ESR1: variants seen among roughly 807,000 people sequenced by gnomAD.
The protein encoded by ESR1 is estrogen receptor 1, also known as estrogen receptor.
In ESR1, 12 loss-of-function variants were observed where a neutral mutation model predicts 52.7. The observed-to-expected ratio is 0.23, with a 90% CI of 0.15 to 0.37. ESR1 has a LOEUF of 0.37. Ranked by LOEUF, ESR1 falls within the 10% of genes least tolerant of loss-of-function variation. ESR1 has a pLI of 1.00. For synonymous variants in ESR1, 305 were observed against 316.8 expected, an observed-to-expected ratio of 0.96 and a Z score of 0.39; for missense variants, 584 against 779.7, an observed-to-expected ratio of 0.75 and a Z score of 2.99.
intron 2 of ESR1, among the ~76,000 whole-genome samples, chr6:151,752,468 CT>C (rs201047018): frequency 0.13 from 17,546 of 131,462 alleles, 3,044 homozygotes; most frequent in African/African-American, 0.42. Context: ...ACTGCAACTG[CT>C]TTTTTTTTTT....
intron 2 of ESR1, among the ~76,000 whole-genome samples, chr6:151,728,689 G>A (rs755386656): frequency 1.1e-4 from 16 of 151,998 alleles, no homozygotes; most frequent in Non-Finnish European, 1.3e-4. Flanking sequence ...CATTTGATGC[G>A]CCTCCTTTTA....
intron 3 of ESR1, among the ~76,000 whole-genome samples, chr6:151,901,731 G>C (rs956340154): frequency 6.6e-6 from 1 of 152,178 alleles, no homozygotes; most frequent in Admixed American, 6.5e-5. Context: ...GTGTGTGTTC[G>C]GGGGTGGGCT....
rs138763610 is a variant in ESR1 at position 151,744,944 on chromosome 6, G to A, written c.-71+42939G>A. Among the ~76,000 whole-genome samples the A allele has an allele frequency of 4.3e-4, 65 of 152,180 alleles. No homozygotes were observed. In the East Asian group the frequency reaches 0.01, roughly 24 times the overall value. On this transcript the variant is annotated intron_variant, in intron 2 of 2. Transcript: ENST00000404742. The stretch of plus-strand genomic sequence containing the variant: ...TCTGCATGTGGCTATCCAGTTGTCC[G>A]AGCACTAAATGTTTAGTCCATTTTC...
chr6:151,783,537 A>G lies in ESR1; in HGVS notation c.-70-24306A>G, dbSNP rs144000405. Among the ~76,000 whole-genome samples, 60 of 152,354 alleles carry G rather than the reference A, an allele frequency of 3.9e-4. 1 individual carries two copies. In the East Asian group the frequency reaches 0.011, roughly 28 times the overall value. On this transcript the variant is annotated intron_variant, in intron 2 of 2. Coordinates refer to the ESR1 transcript ENST00000404742. ...GTGCCTATTTAGAAAATAACTTCAT[A>G]TTTAATTCTTCACTTTACATAAAAG...
chr6:152,029,293 A>T (rs954604845), intron 5 of ESR1, among the ~76,000 whole-genome samples: 1 of 152,246 alleles, frequency 6.6e-6, no homozygotes, highest in Non-Finnish European at 1.5e-5. Context: ...TGGATGGAGA[A>T]TGACTTTGAC....
At position 151,774,213 on chromosome 6, in the gene ESR1, G is replaced by T. The variant is rs768022674; in HGVS notation, c.-70-33630G>T. On this transcript the variant is annotated intron_variant, in intron 2 of 2. Coordinates refer to the ESR1 transcript ENST00000404742. ...AAAGGTACTGGCAACCAAAGATGGG[G>T]AATGCCACTCAATCTCACTTGTTCT... is the stretch of plus-strand genomic sequence containing the variant. Among the ~76,000 whole-genome samples the T allele has an allele frequency of 1.3e-5, 2 of 152,208 alleles. 1 individual carries two copies. The highest frequency in any genetic ancestry group is 2.9e-5 in the Non-Finnish European group (2 of 68,038).
At chr6:151,656,760 G>T (rs1485244909) in exon 1 of ESR1, 1 of 152,152 alleles carries the variant, frequency 6.6e-6, no homozygotes, top group Admixed American at 6.5e-5. Flanking sequence ...AGCTACCAAA[G>T]AAGGTAAGTT....
intron 1 of ESR1, among the ~76,000 whole-genome samples, chr6:151,671,276 G>A (rs76279091): frequency 0.015 from 2,226 of 152,232 alleles, 26 homozygotes; most frequent in Non-Finnish European, 0.022. Context: ...ATATGGAATC[G>A]ACCTGAGTGT....
chr6:152,000,353 C>T (rs1189406611), intron 4 of ESR1, among the ~76,000 whole-genome samples: 1 of 152,034 alleles, frequency 6.6e-6, no homozygotes, highest in African/African-American at 2.4e-5. Context: ...AGCCCATTAT[C>T]CCTTCTATCA....
intron 1 of ESR1, among the ~76,000 whole-genome samples, chr6:151,684,658 G>T (rs1778586444): frequency 6.6e-6 from 1 of 152,174 alleles, no homozygotes; most frequent in African/African-American, 2.4e-5. Flanking sequence ...ATAAAAATAG[G>T]ATGAAAACAA....
chr6:151,947,987 C>A (rs1200525361), intron 4 of ESR1, among the ~76,000 whole-genome samples: 3 of 152,066 alleles, frequency 2.0e-5, no homozygotes, highest in African/African-American at 7.2e-5. Flanking sequence ...ATAGCCTTAT[C>A]CCTGGGTAGA....
chr6:151,927,702 T>C (rs1393397834), intron 3 of ESR1, among the ~76,000 whole-genome samples: 1 of 151,944 alleles, frequency 6.6e-6, no homozygotes, highest in African/African-American at 2.4e-5. Flanking sequence ...ATTTATGATA[T>C]TGGTAATTTA....
intron 2 of ESR1, among the ~76,000 whole-genome samples, chr6:151,718,443 G>C (rs950514731): frequency 2.0e-5 from 3 of 152,186 alleles, no homozygotes; most frequent in Non-Finnish European, 4.4e-5. Flanking sequence ...TGGTGACCAA[G>C]GAGTTGGGCT....
chr6:151,951,305 A>G (rs1408995290), intron 4 of ESR1, among the ~76,000 whole-genome samples: 1 of 152,130 alleles, frequency 6.6e-6, no homozygotes, highest in Non-Finnish European at 1.5e-5. Context: ...CCTCCTACAG[A>G]AGTATTTTTC....
chr6:151,986,574 T>C (rs2040503873), intron 4 of ESR1, among the ~76,000 whole-genome samples: 2 of 152,156 alleles, frequency 1.3e-5, no homozygotes, highest in Admixed American at 1.3e-4. Context: ...ACCAACTTGT[T>C]GTTTTAGATC....
At chr6:151,846,581 G>A (rs180817766) in intron 2 of ESR1, among the ~76,000 whole-genome samples, 77 of 152,314 alleles carry the variant, frequency 5.1e-4, no homozygotes, top group African/African-American at 1.4e-3. Context: ...AGCTAGAAAT[G>A]AGTGTACATC....
rs141508452 is a variant in ESR1, at chr6:152,012,017, T to TACACACACACACACACACAC, written c.1235+234_1235+253dup. Among the ~76,000 whole-genome samples the TACACACACACACACACACAC allele has an allele frequency of 7.8e-5, 11 of 141,806 alleles. No homozygotes were observed. In the South Asian group the frequency reaches 1.4e-3, roughly 18 times the overall value. The allele number at this position is 141,806 out of a possible 152,430, so 93.0% of individuals were successfully genotyped here. ...CTCAGAAGAATTCTATTATTTCTAA[T>TACACACACACACACACACAC]ACACACACACACACACACACACACA... On this transcript the variant is annotated intron_variant, in intron 5 of 7. Coordinates refer to ENST00000206249, the MANE Select transcript of ESR1 (RefSeq NM_000125.4).
At chr6:152,128,242 G>A (rs2054211958) in exon 7 of ESR1, 1 of 152,206 alleles carries the variant, frequency 6.6e-6, no homozygotes, top group South Asian at 2.1e-4. Context: ...CTTCTAAAGT[G>A]TGTTTAACCT....
chr6:151,749,772 T>A (rs1298729234), intron 2 of ESR1, among the ~76,000 whole-genome samples: 1 of 152,186 alleles, frequency 6.6e-6, no homozygotes. Context: ...CTCGCTGTGC[T>A]ACTCTGATAT....
Sources: allele counts gnomAD v4.1 joint callset (sites outside exome capture counted in the v4.1 genomes callset), GRCh38; gene constraint gnomAD v4.1.1; transcripts MANE v1.5; gene names NCBI Gene and HGNC (gene_info 2026-07-23, HGNC 2026-07-21).